The following WNK3 variants were observed in gnomAD, a reference collection of about 807,000 sequenced individuals.
The protein encoded by WNK3 is WNK lysine deficient protein kinase 3, also known as serine/threonine-protein kinase WNK3.
WNK3 carries 18 observed loss-of-function variants against 116.7 expected under a neutral mutation model. The ratio of observed to expected loss-of-function variants is 0.15; its 90% CI spans 0.11 to 0.23. The LOEUF is 0.23. Among genes scored for constraint, WNK3 ranks in the 10% least tolerant of loss-of-function variants. WNK3 has a pLI of 1.00. For missense variants in WNK3, 993 were observed against 1,323.8 expected, an observed-to-expected ratio of 0.75 and a Z score of 3.88; for synonymous variants, 404 against 469.4, an observed-to-expected ratio of 0.86 and a Z score of 1.80.
intron 1 of WNK3, among the ~76,000 whole-genome samples, chrX:54,340,427 T>C (rs931412224): frequency 3.6e-5 from 4 of 110,207 alleles, no homozygotes; most frequent in African/African-American, 1.3e-4. Context: ...CTGGCCAACA[T>C]GGTGAAACCC....
At chrX:54,245,996 T>C (rs2146914856) in intron 17 of WNK3, among the ~76,000 whole-genome samples, 1 of 112,326 alleles carries the variant, frequency 8.9e-6, no homozygotes, top group South Asian at 3.6e-4. Context: ...AGCAAAAAAC[T>C]ATTTTTCCAT....
At chrX:54,333,034 T>G (rs1198361167) in intron 2 of WNK3, 103 bp downstream of exon 2, 4 of 576,717 alleles carry the variant, frequency 6.9e-6, no homozygotes, top group Non-Finnish European at 1.1e-5. Flanking sequence ...GACAAGCCCT[T>G]TATTTTATTT....
At chrX:54,354,805 T>C (rs1015640533) in intron 1 of WNK3, among the ~76,000 whole-genome samples, 1 of 112,109 alleles carries the variant, frequency 8.9e-6, no homozygotes. Context: ...TGACTAGAAA[T>C]CTGATAGCGG....
chrX:54,240,412 T>C (rs2068011199), intron 17 of WNK3, among the ~76,000 whole-genome samples: 1 of 111,585 alleles, frequency 9.0e-6, no homozygotes, highest in Non-Finnish European at 1.9e-5. Flanking sequence ...CATTTTAAAC[T>C]AGTAATAATT....
chrX:54,294,773 T>C, exon 8 of WNK3: 1 of 1,211,130 alleles, frequency 8.3e-7, no homozygotes, highest in South Asian at 1.8e-5. Context: ...TTGTCTTCTT[T>C]ATTGGCGTCA....
intron 12 of WNK3, 77 bp from the exon 13 acceptor site, chrX:54,254,152 T>C: frequency 3.4e-6 from 2 of 583,864 alleles, no homozygotes; most frequent in South Asian, 6.9e-5. Flanking sequence ...ACATCTACAC[T>C]AGTTCACGTA....
At chrX:54,270,496 T>C (rs1557159011) in intron 10 of WNK3, among the ~76,000 whole-genome samples, 2 of 104,465 alleles carry the variant, frequency 1.9e-5, no homozygotes, top group African/African-American at 7.0e-5. Flanking sequence ...CTTCCACCAC[T>C]GGGTTCAAGC....
intron 5 of WNK3, among the ~76,000 whole-genome samples, chrX:54,303,865 A>C (rs2068794343): frequency 1.8e-5 from 2 of 111,734 alleles, no homozygotes; most frequent in Non-Finnish European, 3.8e-5. Flanking sequence ...ATCTCTGGGT[A>C]AATTACTGCC....
Position 54,264,040 on chromosome X carries a change from A to T in WNK3, c.2038-4702T>A, listed in dbSNP as rs782249489. 2.8e-3 allele frequency among the ~76,000 whole-genome samples: 299 copies of T among 106,637 alleles called. 3 individuals carry two copies. Among genetic ancestry groups the T allele is most frequent in the African/African-American group, 9.5e-3 (280 of 29,463 alleles). The allele number at this position is 106,637 out of a possible 115,157, so 92.6% of individuals were successfully genotyped here. On this transcript the variant is annotated intron_variant, in intron 10 of 23. Transcript: ENST00000354646. ...GCCACCACACCTGGCTAATTTTTTT[A>T]AAAAAAATTTGGGCCAGGTGTGGTG...
intron 2 of WNK3, among the ~76,000 whole-genome samples, chrX:54,312,594 C>A (rs1227090652): frequency 9.1e-6 from 1 of 109,520 alleles, no homozygotes; most frequent in African/African-American, 3.3e-5. Context: ...CCCACCACCA[C>A]GCCCGGCTAA....
chrX:54,216,410 G>A (rs1366934286), intron 22 of WNK3, among the ~76,000 whole-genome samples: 1 of 109,158 alleles, frequency 9.2e-6, no homozygotes, highest in Non-Finnish European at 1.9e-5. Flanking sequence ...GAGCATAGTG[G>A]GATGGAGAGT....
upstream of WNK3, chrX:54,358,030 G>A (rs1173585068): frequency 4.6e-5 from 5 of 109,539 alleles, no homozygotes; most frequent in African/African-American, 1.7e-4. Flanking sequence ...CTCCAGCCAG[G>A]GAATTCGGAC....
intron 3 of WNK3, among the ~76,000 whole-genome samples, chrX:54,309,779 G>A (rs1557169349): frequency 8.9e-6 from 1 of 111,821 alleles, no homozygotes; most frequent in African/African-American, 3.2e-5. Flanking sequence ...TGATCTGCCT[G>A]CCTCGGCCTC....
At chrX:54,213,560 A>AG (rs1283601157) in intron 22 of WNK3, among the ~76,000 whole-genome samples, 1 of 99,174 alleles carries the variant, frequency 1.0e-5, no homozygotes, top group Non-Finnish European at 2.0e-5. Context: ...TCTCAAAAAA[A>AG]AAAACAAACA....
intron 17 of WNK3, among the ~76,000 whole-genome samples, chrX:54,247,146 C>T (rs1354433736): frequency 4.5e-5 from 5 of 110,993 alleles, no homozygotes; most frequent in Non-Finnish European, 9.5e-5. Flanking sequence ...TTCCATGACA[C>T]CAGAAACAGT....
At chrX:54,210,368 C>T (rs1249464269) in intron 22 of WNK3, among the ~76,000 whole-genome samples, 1 of 112,459 alleles carries the variant, frequency 8.9e-6, no homozygotes, top group Non-Finnish European at 1.9e-5. Flanking sequence ...CGCCTGTAAT[C>T]CCAATGACTC....
chrX:54,224,224 T>C (rs1332254016), intron 22 of WNK3, among the ~76,000 whole-genome samples: 3 of 109,857 alleles, frequency 2.7e-5, no homozygotes, highest in Non-Finnish European at 5.7e-5. Flanking sequence ...TGGTGGCACA[T>C]GCCTGTAATC....
rs1460142018 is a variant in WNK3, at chrX:54,290,344, G to A, written c.2037+2544C>T. 4.5e-5 allele frequency among the ~76,000 whole-genome samples: 5 copies of A among 110,722 alleles called. 1 individual carries two copies. Among genetic ancestry groups the A allele is most frequent in the African/African-American group, 1.6e-4 (5 of 30,514 alleles). On this transcript the variant is annotated intron_variant, in intron 10 of 23. Coordinates refer to ENST00000354646, the Ensembl canonical transcript of WNK3. ...ACTGACAAGTCTAAAGTCATAGGTT[G>A]GGCTAAAGTTTTTCTATCTGCTCCA...
rs56185428 is a variant in WNK3 at position 54,237,225 on chromosome X, A to G, written c.4341T>C (p.Ser1447=). 44 of 1,210,538 alleles carry G rather than the reference A, an allele frequency of 3.6e-5. No individual in the cohort carries two copies. The Admixed American group carries it at 9.4e-4, about 26-fold the overall frequency. The stretch of plus-strand genomic sequence containing the variant: ...ACAGTTCAGATCCAGACTGCATGCT[A>G]CTTCCTGTGGCTGAAGTTTCTTCAA... The change falls in exon 20 of 24, where the codon AGT becomes AGC. Residue 1447 remains serine (S), a synonymous_variant. Coordinates refer to ENST00000354646, the Ensembl canonical transcript of WNK3.
Sources: allele counts gnomAD v4.1 joint callset (sites outside exome capture counted in the v4.1 genomes callset), GRCh38; gene constraint gnomAD v4.1.1; transcripts MANE v1.5; gene names NCBI Gene and HGNC (gene_info 2026-07-23, HGNC 2026-07-21).